Variants in CTNNA2 observed in about 807,000 individuals in gnomAD.
CTNNA2 encodes the protein catenin alpha 2, also known as catenin alpha-2.
A neutral mutation model predicts 101.0 loss-of-function variants in CTNNA2; 42 were observed. The observed-to-expected ratio is 0.42, with a 90% CI of 0.32 to 0.54. CTNNA2 has a LOEUF of 0.54. Among genes scored for constraint, CTNNA2 ranks in the 20% least tolerant of loss-of-function variants. The probability of loss-of-function intolerance (pLI) is 0.14; values close to 1 mark genes in which losing one functional copy is unlikely to be tolerated. For missense variants in CTNNA2, 871 were observed against 1,223.1 expected, an observed-to-expected ratio of 0.71 and a Z score of 4.29; for synonymous variants, 450 against 456.4, an observed-to-expected ratio of 0.99 and a Z score of 0.18.
chr2:79,381,288 TTAATAA>T (rs1351527795), intron 4 of CTNNA2, among the ~76,000 whole-genome samples: 1 of 152,114 alleles, frequency 6.6e-6, no homozygotes, highest in Non-Finnish European at 1.5e-5. Flanking sequence ...CTCACGTAAA[TTAATAA>T]TAATAGAAAA....
intron 7 of CTNNA2, among the ~76,000 whole-genome samples, chr2:80,346,051 A>C (rs1672704283): frequency 6.6e-6 from 1 of 152,208 alleles, no homozygotes; most frequent in Non-Finnish European, 1.5e-5. Flanking sequence ...TTCTGATCAC[A>C]ATTTTTTTGA....
chr2:80,046,721 A>G (rs1160024866), intron 7 of CTNNA2, among the ~76,000 whole-genome samples: 2 of 152,198 alleles, frequency 1.3e-5, no homozygotes, highest in Admixed American at 1.3e-4. Flanking sequence ...AGATGCTCTC[A>G]TTGTTTTGTC....
intron 3 of CTNNA2, among the ~76,000 whole-genome samples, chr2:79,850,629 G>T (rs1029081978): frequency 2.0e-5 from 3 of 152,116 alleles, no homozygotes; most frequent in Non-Finnish European, 2.9e-5. Flanking sequence ...AGGATAGACC[G>T]CAGAGCCAGA....
At chr2:79,959,403 T>C (rs1317289406) in intron 7 of CTNNA2, among the ~76,000 whole-genome samples, 1 of 152,228 alleles carries the variant, frequency 6.6e-6, no homozygotes, top group Non-Finnish European at 1.5e-5. Context: ...TCATTACTTA[T>C]GACCATTCTG....
intron 7 of CTNNA2, among the ~76,000 whole-genome samples, chr2:79,995,203 C>T (rs1692460086): frequency 6.6e-6 from 1 of 152,158 alleles, no homozygotes; most frequent in African/African-American, 2.4e-5. Flanking sequence ...ATATTTCACT[C>T]AGTGTTCCAT....
intron 7 of CTNNA2, among the ~76,000 whole-genome samples, chr2:80,255,284 A>G (rs1047020026): frequency 1.3e-5 from 2 of 152,138 alleles, no homozygotes; most frequent in African/African-American, 4.8e-5. Flanking sequence ...TTAAGAACAG[A>G]ACGTGTGATT....
chr2:80,133,369 T>G (rs1372414466), intron 7 of CTNNA2, among the ~76,000 whole-genome samples: 1 of 152,152 alleles, frequency 6.6e-6, no homozygotes, highest in Non-Finnish European at 1.5e-5. Context: ...AGCCACCCAG[T>G]TTGTGGCACT....
intron 7 of CTNNA2, among the ~76,000 whole-genome samples, chr2:79,943,937 G>A (rs1451928435): frequency 2.6e-5 from 4 of 152,170 alleles, no homozygotes; most frequent in Non-Finnish European, 4.4e-5. Context: ...TATAATCCAT[G>A]TAGATATAAT....
intron 7 of CTNNA2, among the ~76,000 whole-genome samples, chr2:80,006,556 G>A (rs902374363): frequency 3.3e-5 from 5 of 151,872 alleles, no homozygotes; most frequent in Non-Finnish European, 7.4e-5. Context: ...CTGACCTCAG[G>A]GAAGACCACA....
At chr2:79,406,027 G>A (rs780418373) in intron 4 of CTNNA2, among the ~76,000 whole-genome samples, 4 of 151,990 alleles carry the variant, frequency 2.6e-5, no homozygotes, top group African/African-American at 7.2e-5. Context: ...GATCAAGAAC[G>A]ATGTCACAGA....
Position 79,536,686 on chromosome 2 carries a change from T to TTTTCTTTTC in CTNNA2, c.-6+23482_-6+23483insCTTTTCTTT, listed in dbSNP as rs1553422847. Among the ~76,000 whole-genome samples the TTTTCTTTTC allele has an allele frequency of 1.9e-4, 27 of 140,030 alleles. No individual in the cohort carries two copies. The South Asian group carries it at 4.8e-3, about 25-fold the overall frequency. The allele number at this position is 140,030 out of a possible 152,430, so 91.9% of individuals were successfully genotyped here. On this transcript the variant is annotated intron_variant, in intron 1 of 18. Coordinates refer to ENST00000402739, the MANE Select transcript of CTNNA2 (RefSeq NM_001282597.3). ...GTCGTCACTTTCACCATGGATTTTT[T>TTTTCTTTTC]TTTTCTTTTCTTTTCTTTTCTTTTC...
At chr2:79,762,906 T>C (rs1037059793) in intron 3 of CTNNA2, among the ~76,000 whole-genome samples, 2 of 152,202 alleles carry the variant, frequency 1.3e-5, no homozygotes, top group African/African-American at 2.4e-5. Flanking sequence ...CGAATGAGTA[T>C]CTCCTATTCT....
At chr2:80,497,053 T>C (rs555847612) in intron 9 of CTNNA2, among the ~76,000 whole-genome samples, 10 of 152,280 alleles carry the variant, frequency 6.6e-5, no homozygotes, top group African/African-American at 1.7e-4. Flanking sequence ...AGGAGGAGCA[T>C]TTGCATTTAT....
chr2:79,723,988 C>T (rs1828474), intron 2 of CTNNA2, among the ~76,000 whole-genome samples: 15,444 of 152,110 alleles, frequency 0.1, 933 homozygotes, highest in African/African-American at 0.17. Context: ...TGCTCTGACT[C>T]ATCATGACTT....
At chr2:79,750,235 C>CT (rs966991190) in intron 3 of CTNNA2, among the ~76,000 whole-genome samples, 17 of 152,048 alleles carry the variant, frequency 1.1e-4, no homozygotes, top group Admixed American at 2.0e-4. Flanking sequence ...AGACTGAAAA[C>CT]TTTTTTTTGA....
chr2:79,477,601 C>T (rs1330283387), intron 4 of CTNNA2, among the ~76,000 whole-genome samples: 4 of 152,192 alleles, frequency 2.6e-5, no homozygotes, highest in Admixed American at 2.6e-4. Flanking sequence ...ATTTGCATTT[C>T]CTAGGCAGTT....
intron 7 of CTNNA2, chr2:80,163,252 C>T: frequency 1.4e-6 from 1 of 725,320 alleles, no homozygotes; most frequent in Non-Finnish European, 2.3e-6. Context: ...ATTGATTTTC[C>T]AATATTAAGC....
rs539870473 is a variant in CTNNA2, at chr2:80,380,019, C to T, written c.1057-13192C>T. 3.5e-5 allele frequency among the ~76,000 whole-genome samples: 5 copies of T among 144,126 alleles called. No homozygotes were observed. The East Asian group carries it at 8.3e-4, about 24-fold the overall frequency. 94.6% of individuals were successfully genotyped at this position (144,126 alleles called of 152,430 possible). On this transcript the variant is annotated intron_variant, in intron 7 of 18. Coordinates refer to ENST00000402739, the MANE Select transcript of CTNNA2 (RefSeq NM_001282597.3). ...CCATTCATCAATGTCTTGCACTGTT[C>T]GAGATGTACTTTTTTTTTTTTTTTT...
In CTNNA2 at chr2:80,559,891, T is replaced by TTTTTATATATATATATATACAC. The variant is rs67796030; in HGVS notation, c.1741+3998_1741+3999insTTTTATATATATATATATACAC. Among the ~76,000 whole-genome samples, 4 of 146,888 alleles carry TTTTTATATATATATATATACAC rather than the reference T, an allele frequency of 2.7e-5. No homozygotes were observed. In the East Asian group the frequency reaches 7.8e-4, roughly 29 times the overall value. ...GCGATATCATATTTATATATATATA[T>TTTTTATATATATATATATACAC]ACACACACATACAGTAGCTCATTCT... On this transcript the variant is annotated intron_variant, in intron 12 of 18. Coordinates refer to ENST00000402739, the MANE Select transcript of CTNNA2 (RefSeq NM_001282597.3).
Sources: allele counts gnomAD v4.1 joint callset (sites outside exome capture counted in the v4.1 genomes callset), GRCh38; gene constraint gnomAD v4.1.1; transcripts MANE v1.5; gene names NCBI Gene and HGNC (gene_info 2026-07-23, HGNC 2026-07-21).